Variants in SMIM35 observed in about 807,000 individuals in gnomAD.
SMIM35 encodes the protein TMPRSS4 antisense RNA 1 (non-protein coding).
intron 1 of SMIM35, among the ~76,000 whole-genome samples, chr11:118,083,365 C>T (rs1409310351): frequency 2.0e-5 from 3 of 152,142 alleles, no homozygotes; most frequent in African/African-American, 7.2e-5. Context: ...AGAGAGTTCA[C>T]ACAGGTCACA....
intron 3 of SMIM35, among the ~76,000 whole-genome samples, chr11:118,014,385 GA>G (rs1236775102): frequency 2.3e-3 from 1 of 436 alleles, no homozygotes; most frequent in East Asian, 0.056. Flanking sequence ...TTGGGGGAGA[GA>G]TGGATGGATG....
chr11:118,063,995 G>A (rs1445130695), intron 1 of SMIM35, among the ~76,000 whole-genome samples: 1 of 152,238 alleles, frequency 6.6e-6, no homozygotes, highest in Non-Finnish European at 1.5e-5. Context: ...TTGGCTAGAA[G>A]GTCCAGAGGC....
intron 1 of SMIM35, among the ~76,000 whole-genome samples, chr11:118,055,495 C>A (rs1454699053): frequency 6.6e-6 from 1 of 152,202 alleles, no homozygotes; most frequent in Non-Finnish European, 1.5e-5. Context: ...TTGGCCTCTG[C>A]AGTGCTGAAT....
At chr11:118,086,412 T>C (rs919841051) in intron 1 of SMIM35, among the ~76,000 whole-genome samples, 2 of 152,234 alleles carry the variant, frequency 1.3e-5, no homozygotes, top group Non-Finnish European at 2.9e-5. Context: ...CAAGGCAAAA[T>C]GGTTTCTAAT....
chr11:118,081,909 C>T (rs1390404955), intron 1 of SMIM35, among the ~76,000 whole-genome samples: 1 of 152,180 alleles, frequency 6.6e-6, no homozygotes, highest in African/African-American at 2.4e-5. Flanking sequence ...ACTGCTTTCC[C>T]ACACTCCAGA....
chr11:118,074,342 G>C (rs1246112451), intron 1 of SMIM35, among the ~76,000 whole-genome samples: 1 of 152,094 alleles, frequency 6.6e-6, no homozygotes, highest in African/African-American at 2.4e-5. Flanking sequence ...GAGAAGTAAT[G>C]GGAGGGAAAG....
At chr11:118,021,047 G>GTTTTTTGTTTTTTTTTTT (rs1555070946) in intron 1 of SMIM35, among the ~76,000 whole-genome samples, 2 of 140,764 alleles carry the variant, frequency 1.4e-5, no homozygotes, top group African/African-American at 5.2e-5. Context: ...ACAGGGTAAG[G>GTTTTTTGTTTTTTTTTTT]TTTTTTTTTT....
chr11:118,017,850 G>A (rs577841404), intron 1 of SMIM35, among the ~76,000 whole-genome samples: 14 of 152,100 alleles, frequency 9.2e-5, no homozygotes, highest in South Asian at 2.1e-4. Context: ...AAGCAAAAGC[G>A]GGGAAAGTCC....
intron 1 of SMIM35, among the ~76,000 whole-genome samples, chr11:118,031,237 T>G (rs970533408): frequency 6.6e-6 from 1 of 152,206 alleles, no homozygotes; most frequent in African/African-American, 2.4e-5. Flanking sequence ...CCTGTATGGA[T>G]GTATGTAGCT....
At chr11:118,085,215 A>ATCT (rs199860003) in intron 1 of SMIM35, among the ~76,000 whole-genome samples, 10,110 of 125,020 alleles carry the variant, frequency 0.081, 497 homozygotes, top group Non-Finnish European at 0.12. Context: ...GAGGAGTCAG[A>ATCT]TCTTCTTCTT....
chr11:118,012,623 T>C (rs866770146), intron 4 of SMIM35, among the ~76,000 whole-genome samples: 1 of 152,078 alleles, frequency 6.6e-6, no homozygotes, highest in Non-Finnish European at 1.5e-5. Context: ...CACATCAAAA[T>C]TGGGAGTTGG....
intron 1 of SMIM35, among the ~76,000 whole-genome samples, chr11:118,041,094 T>C (rs993824698): frequency 4.6e-5 from 7 of 152,110 alleles, no homozygotes; most frequent in African/African-American, 1.7e-4. Context: ...AAGATGTACA[T>C]GGTAAATCCT....
intron 4 of SMIM35, 93 bp from the exon 5 acceptor site, chr11:118,006,469 CTG>C (rs1463719172): frequency 6.6e-6 from 1 of 152,246 alleles, no homozygotes; most frequent in Non-Finnish European, 1.5e-5. Flanking sequence ...GCAGTACTGA[CTG>C]TAGGCTCCTG....
intron 1 of SMIM35, among the ~76,000 whole-genome samples, chr11:118,030,958 T>C (rs2058314467): frequency 6.6e-6 from 1 of 151,832 alleles, no homozygotes; most frequent in Non-Finnish European, 1.5e-5. Context: ...AGACAGACAT[T>C]AGTGCTAGAG....
intron 1 of SMIM35, among the ~76,000 whole-genome samples, chr11:118,068,982 A>G (rs1011375941): frequency 6.6e-6 from 1 of 152,220 alleles, no homozygotes; most frequent in Non-Finnish European, 1.5e-5. Flanking sequence ...CTCTTCCAAC[A>G]GGTTCAACCC....
intron 1 of SMIM35, among the ~76,000 whole-genome samples, chr11:118,085,489 C>G (rs1945478626): frequency 6.6e-6 from 1 of 152,144 alleles, no homozygotes; most frequent in Non-Finnish European, 1.5e-5. Context: ...TTTTCCCTCC[C>G]TGCCATTTCC....
At chr11:118,018,576 T>C (rs984877717) in intron 1 of SMIM35, among the ~76,000 whole-genome samples, 1 of 152,198 alleles carries the variant, frequency 6.6e-6, no homozygotes, top group African/African-American at 2.4e-5. Context: ...CACAGCGTCA[T>C]AGTGATACTG....
intron 1 of SMIM35, among the ~76,000 whole-genome samples, chr11:118,038,032 A>T (rs1943933749): frequency 1.3e-5 from 2 of 152,120 alleles, no homozygotes; most frequent in African/African-American, 4.8e-5. Flanking sequence ...GGTCATGTCC[A>T]TTTCTTATGT....
chr11:118,074,277 G>A (rs1944617363), intron 1 of SMIM35, among the ~76,000 whole-genome samples: 4 of 151,794 alleles, frequency 2.6e-5, no homozygotes, highest in Admixed American at 2.6e-4. Flanking sequence ...AAACAGATAA[G>A]GAAAGGGAAG....
Sources: gnomAD v4.1 joint callset for allele counts (sites outside exome capture counted in the v4.1 genomes callset) on GRCh38, gnomAD v4.1.1 for gene constraint, MANE v1.5 for transcripts, NCBI Gene and HGNC (gene_info 2026-07-23, HGNC 2026-07-21) for gene names.